The following CNGB1 variants were observed in gnomAD, a reference collection of about 807,000 sequenced individuals.
CNGB1 encodes cyclic nucleotide-gated channel beta-1.
Under a neutral mutation model 151.7 loss-of-function variants are expected in CNGB1, and 126 were observed. That is an observed-to-expected ratio of 0.83 (90% CI 0.72 to 0.96). The LOEUF is 0.96. CNGB1 is among the 40% of genes least tolerant of loss of function. The probability of loss-of-function intolerance (pLI) is 0.00; values close to 1 mark genes in which losing one functional copy is unlikely to be tolerated. For missense variants in CNGB1, 1,698 were observed against 1,627.0 expected (o/e 1.04, Z -0.75); for synonymous variants, 623 against 635.1 (o/e 0.98, Z 0.29).
intron 23 of CNGB1, 63 bp from the exon 24 acceptor site, chr16:57,913,057 C>G: frequency 6.5e-7 from 1 of 1,541,512 alleles, no homozygotes; most frequent in Non-Finnish European, 9.0e-7. Flanking sequence ...GCTCCCACGC[C>G]CACGGGCGCC....
intron 19 of CNGB1, 53 bp from the exon 20 acceptor site, chr16:57,919,307 G>A (rs1011369680): frequency 1.2e-6 from 2 of 1,613,196 alleles, no homozygotes; most frequent in Non-Finnish European, 1.7e-6. Flanking sequence ...CCAGGTAGAG[G>A]ATGCAGAGAG....
chr16:57,914,001 A>C (rs529388272), intron 23 of CNGB1, among the ~76,000 whole-genome samples: 43 of 152,278 alleles, frequency 2.8e-4, no homozygotes, highest in African/African-American at 1.0e-3. Context: ...TTATTTTTTG[A>C]TATTTGAAAA....
intron 14 of CNGB1, 67 bp from the exon 15 acceptor site, chr16:57,940,388 C>T: frequency 6.9e-7 from 1 of 1,441,426 alleles, no homozygotes; most frequent in Non-Finnish European, 9.5e-7. Flanking sequence ...TTCCCCAGCC[C>T]TGCTGAGGGC....
In CNGB1 at chr16:57,884,116, T is replaced by G. The variant is rs879485949; in HGVS notation, c.*48A>C. 7.3e-5 allele frequency: 118 copies of G among 1,612,308 alleles called. No homozygotes were observed. The highest frequency in any genetic ancestry group is 9.8e-5 in the Non-Finnish European group (116 of 1,178,674). ...TGGGGCGCAGGGGCGCAGCGGGCGC[T>G]GGGGACACACCTGCTGGAACTGCGC... On this transcript the variant is annotated 3_prime_UTR_variant, in exon 33 of 33. Coordinates refer to ENST00000251102, the MANE Select transcript of CNGB1 (RefSeq NM_001297.5).
In CNGB1 at chr16:57,919,121, G is replaced by C. The variant is rs1407647448; in HGVS notation, c.1935C>G (p.Pro645=). The change falls in exon 20 of 33, where the codon CCC becomes CCG. Residue 645 remains proline, a synonymous_variant. Transcript: ENST00000251102. ...CACTGGTCAGCGGGTCAATGCTCTG[G>C]GGAAACTGGTACTTCTTCCAGGGGC... ...KHRPWKKYQF[P]QSIDPLTNLM... is the part of the protein sequence containing the mutation. 6.2e-7 allele frequency: 1 copy of C among 1,614,146 alleles called. No individual in the cohort carries two copies. The highest frequency in any genetic ancestry group is 2.2e-5 in the East Asian group (1 of 44,868).
chr16:57,949,936 T>G (rs1220974045), intron 13 of CNGB1, among the ~76,000 whole-genome samples: 1 of 152,216 alleles, frequency 6.6e-6, no homozygotes, highest in Admixed American at 6.5e-5. Context: ...TGATGCAGAA[T>G]TGTTCATAAT....
At chr16:57,958,339 C>T in intron 11 of CNGB1, 71 bp downstream of exon 11, 2 of 983,562 alleles carry the variant, frequency 2.0e-6, no homozygotes, top group African/African-American at 5.9e-5. Flanking sequence ...CAACCATCCT[C>T]CTCCTTACCC....
chr16:57,916,023 G>T (rs572475911), intron 22 of CNGB1, 106 bp downstream of exon 22: 3 of 1,066,052 alleles, frequency 2.8e-6, no homozygotes, highest in Non-Finnish European at 4.4e-6. Context: ...GCATCCCTCC[G>T]TGTGGCAGAA....
intron 18 of CNGB1, among the ~76,000 whole-genome samples, chr16:57,922,722 C>T (rs1442526536): frequency 2.0e-5 from 3 of 152,154 alleles, no homozygotes; most frequent in Non-Finnish European, 4.4e-5. Flanking sequence ...AGCCACCACG[C>T]CTGGCCGTCA....
chr16:57,884,136 C>G lies in CNGB1; in HGVS notation c.*28G>C, dbSNP rs1959833763. 2 of 1,613,902 alleles carry G rather than the reference C, an allele frequency of 1.2e-6. No individual in the cohort carries two copies. The highest frequency in any genetic ancestry group is 1.1e-5 in the South Asian group (1 of 91,082). On this transcript the variant is annotated 3_prime_UTR_variant, in exon 33 of 33. Coordinates refer to ENST00000251102, the MANE Select transcript of CNGB1 (RefSeq NM_001297.5). Reference sequence around the variant, plus strand: ...GGCGCTGGGGACACACCTGCTGGAACTGCGCGCGGGATCCGCCTCACCCCA... The same window carrying G: ...GGCGCTGGGGACACACCTGCTGGAAGTGCGCGCGGGATCCGCCTCACCCCA...
Position 57,959,913 on chromosome 16 carries a change from G to A in CNGB1, c.736C>T (p.Leu246=). ...CTGGCAGGGTCCCTGGTTGGTGGCA[G>A]GGAGGAGGTCTGGGCCTGGGAGCCG... ...QPGSQAQTSS[L]PPTRDPARLV... is the part of the protein sequence containing the mutation. Residue 246 remains leucine (L), a synonymous_variant, in exon 10 of 33, where the codon CTG becomes TTG. Transcript: ENST00000251102. The A allele has an allele frequency of 6.4e-7, 1 of 1,560,904 alleles. No homozygotes were observed.
chr16:57,931,654 A>C (rs1961352333), intron 17 of CNGB1, 62 bp downstream of exon 17: 1 of 1,581,740 alleles, frequency 6.3e-7, no homozygotes. Context: ...CAGTCTCTTC[A>C]TCTGCCAAAT....
intron 27 of CNGB1, 126 bp from the exon 28 acceptor site, chr16:57,901,751 G>A: frequency 1.3e-6 from 1 of 757,868 alleles, no homozygotes; most frequent in Non-Finnish European, 2.3e-6. Context: ...GAACCACTCT[G>A]GATTTGTAGT....
intron 31 of CNGB1, among the ~76,000 whole-genome samples, chr16:57,895,033 C>A (rs377686102): frequency 3.0e-4 from 46 of 152,226 alleles, no homozygotes; most frequent in African/African-American, 1.1e-3. Context: ...TACCTAGAAG[C>A]CTTACTTTTT....
rs1176300897 is a variant in CNGB1, at chr16:57,884,272, G to A, written c.3648C>T (p.Ala1216=). ...GRPEGEEEGP[A]EPEEHSVRIC... ...TCCTCACCGAGTGCTCTTCGGGCTC[G>A]GCCGGCCCCTCCTCCTCTCCCTCCG... Residue 1216 remains alanine (A), a synonymous_variant, in exon 33 of 33, where the codon GCC becomes GCT. Coordinates refer to ENST00000251102, the MANE Select transcript of CNGB1 (RefSeq NM_001297.5). 1 of 1,613,662 alleles carries A rather than the reference G, an allele frequency of 6.2e-7. No individual in the cohort carries two copies. Among genetic ancestry groups the A allele is most frequent in the Middle Eastern group, 1.6e-4 (1 of 6,062 alleles).
At chr16:57,904,699 A>G (rs773068764) in intron 26 of CNGB1, 35 bp downstream of exon 26, 3 of 1,613,150 alleles carry the variant, frequency 1.9e-6, no homozygotes, top group Admixed American at 1.7e-5. Flanking sequence ...CCCTGCAGTC[A>G]GGTGGGGTGG....
chr16:57,914,014 G>C (rs1374359806), intron 23 of CNGB1, among the ~76,000 whole-genome samples: 4 of 152,186 alleles, frequency 2.6e-5, no homozygotes, highest in Non-Finnish European at 4.4e-5. Flanking sequence ...TTTGAAAATA[G>C]TATTTATGAA....
intron 17 of CNGB1, among the ~76,000 whole-genome samples, chr16:57,929,587 A>C (rs1211480658): frequency 9.9e-5 from 15 of 152,258 alleles, no homozygotes; most frequent in Admixed American, 9.8e-4. Context: ...GGAAACAAAC[A>C]ATCATGGCAG....
At position 57,920,410 on chromosome 16, in the gene CNGB1, G is replaced by C. The variant is rs2149366477; in HGVS notation, c.1778C>G (p.Ser593Cys). ...KEKLIDPDVT[S>C]DEESPKPSPA... ...ACAGGGCTTGGGGCTCTCCTCATCA[G>C]AGGTGACGTCAGGGTCAATGAGTTT... The change falls in exon 19 of 33, where the codon TCT becomes TGT. Residue 593 changes from serine to cysteine, a missense_variant. Physicochemically the swap from Ser to Cys is moderately radical, Grantham distance 112. Coordinates refer to ENST00000251102, the MANE Select transcript of CNGB1 (RefSeq NM_001297.5). The C allele has an allele frequency of 1.2e-6, 2 of 1,614,204 alleles. No individual in the cohort carries two copies. Among genetic ancestry groups the C allele is most frequent in the Non-Finnish European group, 1.7e-6 (2 of 1,180,044 alleles).
Sources: allele counts gnomAD v4.1 joint callset (sites outside exome capture counted in the v4.1 genomes callset), GRCh38; gene constraint gnomAD v4.1.1; transcripts MANE v1.5; gene names NCBI Gene and HGNC (gene_info 2026-07-23, HGNC 2026-07-21).